The following MPP4 variants were observed in gnomAD, a reference collection of about 807,000 sequenced individuals.
MPP4 encodes MAGUK p55 scaffold protein 4.
MPP4 carries 91 observed loss-of-function variants against 98.3 expected under a neutral mutation model. That is an observed-to-expected ratio of 0.93 (90% CI 0.78 to 1.10). MPP4 has a LOEUF of 1.10. MPP4 is among the 50% of genes least tolerant of loss of function. MPP4 has a pLI of 0.00. For missense variants in MPP4, 744 were observed against 792.9 expected (o/e 0.94, Z 0.74); for synonymous variants, 261 against 271.8 (o/e 0.96, Z 0.39).
At chr2:201,659,710 T>G (rs1449832987) in intron 15 of MPP4, among the ~76,000 whole-genome samples, 3 of 152,204 alleles carry the variant, frequency 2.0e-5, no homozygotes, top group Admixed American at 6.5e-5. Flanking sequence ...GGCTTGTGCC[T>G]GTAGTCCCAG....
chr2:201,652,415 C>T (rs1221986594), intron 18 of MPP4, among the ~76,000 whole-genome samples: 1 of 152,172 alleles, frequency 6.6e-6, no homozygotes, highest in Admixed American at 6.5e-5. Context: ...GCCAAGATCA[C>T]ACCACTGCAC....
At chr2:201,678,439 C>T (rs1688576433) in intron 10 of MPP4, among the ~76,000 whole-genome samples, 4 of 152,216 alleles carry the variant, frequency 2.6e-5, no homozygotes, top group Admixed American at 2.6e-4. Flanking sequence ...GCCCTTTCTT[C>T]TTGCTTTAAC....
At chr2:201,690,180 C>T (rs1342560877) in intron 4 of MPP4, 22 bp downstream of exon 4, 2 of 1,550,280 alleles carry the variant, frequency 1.3e-6, no homozygotes, top group Admixed American at 1.7e-5. Flanking sequence ...CTCTACTATC[C>T]TGTGGAATAA....
chr2:201,685,833 A>G, intron 6 of MPP4, 86 bp downstream of exon 6: 1 of 1,513,566 alleles, frequency 6.6e-7, no homozygotes, highest in Middle Eastern at 1.8e-4. Context: ...AGGCAAGGCT[A>G]CTGCCCAAGT....
At chr2:201,694,157 C>A in intron 1 of MPP4, 103 bp from the exon 2 acceptor site, 1 of 1,120,412 alleles carries the variant, frequency 8.9e-7, no homozygotes, top group Non-Finnish European at 1.2e-6. Flanking sequence ...GGTGCCTACT[C>A]TTAACCATCA....
At chr2:201,648,839 C>G (rs2105910243) in intron 20 of MPP4, among the ~76,000 whole-genome samples, 1 of 152,286 alleles carries the variant, frequency 6.6e-6, no homozygotes, top group East Asian at 1.9e-4. Context: ...AGGTGGATCA[C>G]TTGAGCCCAG....
intron 21 of MPP4, among the ~76,000 whole-genome samples, chr2:201,647,452 G>A (rs77554472): frequency 6.6e-6 from 1 of 152,158 alleles, no homozygotes; most frequent in East Asian, 1.9e-4. Flanking sequence ...AATCGTAAGG[G>A]CATTATCCAT....
At chr2:201,667,488 G>A (rs1688214976) in intron 12 of MPP4, among the ~76,000 whole-genome samples, 1 of 152,194 alleles carries the variant, frequency 6.6e-6, no homozygotes, top group Non-Finnish European at 1.5e-5. Flanking sequence ...TGCCTCACTA[G>A]TTTTTACAGA....
intron 10 of MPP4, among the ~76,000 whole-genome samples, chr2:201,677,224 C>T (rs1688529345): frequency 6.6e-6 from 1 of 152,106 alleles, no homozygotes; most frequent in Non-Finnish European, 1.5e-5. Context: ...TCTGGGAGCT[C>T]CTGGTTTTTC....
At chr2:201,672,890 C>A (rs1688384704) in intron 11 of MPP4, among the ~76,000 whole-genome samples, 1 of 152,102 alleles carries the variant, frequency 6.6e-6, no homozygotes. Flanking sequence ...ATCCTGATAC[C>A]ATCAACCTGG....
intron 14 of MPP4, among the ~76,000 whole-genome samples, chr2:201,661,224 T>TC (rs1043418078): frequency 3.6e-4 from 55 of 151,416 alleles, no homozygotes; most frequent in South Asian, 8.4e-4. Context: ...TCCAGCCTTT[T>TC]TTTTTTTTTT....
At chr2:201,686,099 C>T in intron 5 of MPP4, 49 bp from the exon 6 acceptor site, 1 of 1,597,702 alleles carries the variant, frequency 6.3e-7, no homozygotes, top group Non-Finnish European at 8.6e-7. Flanking sequence ...ATGGGCCAAA[C>T]CCCTCTAGAA....
chr2:201,648,744 CA>C (rs1234358378), intron 20 of MPP4, among the ~76,000 whole-genome samples: 1 of 152,166 alleles, frequency 6.6e-6, no homozygotes, highest in African/African-American at 2.4e-5. Context: ...CTCTAGCACA[CA>C]AAGTATATTT....
In MPP4 at chr2:201,647,679, A is replaced by C; in HGVS notation, c.1719+12T>G. The C allele has an allele frequency of 6.2e-7, 1 of 1,612,034 alleles. No individual in the cohort carries two copies. The highest frequency in any genetic ancestry group is 8.5e-7 in the Non-Finnish European group (1 of 1,178,396). ...ACTGAAAGCAATACAGTAGTTTTTGACTTGCTCTTACCTTGAACTTCATGT... is the reference window on the plus strand; with the variant it reads ...ACTGAAAGCAATACAGTAGTTTTTGCCTTGCTCTTACCTTGAACTTCATGT... On this transcript the variant is annotated intron_variant, in intron 21 of 21. Transcript: ENST00000409474.
chr2:201,664,386 C>A, intron 13 of MPP4: 1 of 1,329,880 alleles, frequency 7.5e-7, no homozygotes, highest in Non-Finnish European at 1.0e-6. Context: ...ATGTAAAAAG[C>A]AGCTCAGAGG....
intron 12 of MPP4, chr2:201,666,737 A>T (rs1336821905): frequency 9.5e-6 from 1 of 104,904 alleles, no homozygotes; most frequent in African/African-American, 3.0e-5. Flanking sequence ...AATAAAAATA[A>T]AAATAAATAA....
At chr2:201,656,975 G>A (rs532669656) in intron 16 of MPP4, among the ~76,000 whole-genome samples, 1 of 152,354 alleles carries the variant, frequency 6.6e-6, no homozygotes, top group East Asian at 1.9e-4. Context: ...CAGGGAAGTG[G>A]CTGGAGCCAG....
Position 201,689,732 on chromosome 2 carries a change from G to C in MPP4, c.279+470C>G, listed in dbSNP as rs145914195. On this transcript the variant is annotated intron_variant, in intron 4 of 21. Transcript: ENST00000409474. ...AGGTATCGTTTCTGAGATAGAAAAGGCTTCCAGAAGAGTGGGTGGGGGTGA... is the reference window on the plus strand; with the variant it reads ...AGGTATCGTTTCTGAGATAGAAAAGCCTTCCAGAAGAGTGGGTGGGGGTGA... Among the ~76,000 whole-genome samples the C allele has an allele frequency of 7.3e-3, 1,115 of 152,244 alleles. 12 individuals carry two copies. The highest frequency in any genetic ancestry group is 0.026 in the African/African-American group (1,074 of 41,546).
At position 201,644,934 on chromosome 2, in the gene MPP4, A is replaced by C. The variant is rs56774773; in HGVS notation, c.*276T>G. On this transcript the variant is annotated 3_prime_UTR_variant, in exon 22 of 22. Transcript: ENST00000409474. ...TCTTTATTTAAATCTTAAAAAGATCATGTGAAATCTGCGAAAGGTTCTCAT... is the reference window on the plus strand; with the variant it reads ...TCTTTATTTAAATCTTAAAAAGATCCTGTGAAATCTGCGAAAGGTTCTCAT... 6,883 of 256,298 alleles carry C rather than the reference A, an allele frequency of 0.027. 181 individuals are homozygous for C. Among genetic ancestry groups the C allele is most frequent in the African/African-American group, 0.082 (3,714 of 45,440 alleles). The allele number at this position is 256,298 out of a possible 1,614,324, so 15.9% of individuals were successfully genotyped here. A position where few individuals can be genotyped will look rare whatever the true frequency, so the allele number is the denominator to read the frequency against.
Sources: gnomAD v4.1 joint callset for allele counts (sites outside exome capture counted in the v4.1 genomes callset) on GRCh38, gnomAD v4.1.1 for gene constraint, MANE v1.5 for transcripts, NCBI Gene and HGNC (gene_info 2026-07-23, HGNC 2026-07-21) for gene names.